Variants in TFEB observed in about 807,000 individuals in gnomAD.
TFEB encodes the protein T-cell transcription factor EB.
TFEB carries 12 observed loss-of-function variants against 48.0 expected under a neutral mutation model. The observed-to-expected ratio is 0.25, with a 90% CI of 0.16 to 0.40. TFEB has a LOEUF of 0.40. Among genes scored for constraint, TFEB ranks in the 10% least tolerant of loss-of-function variants. The pLI is 1.00. For synonymous variants in TFEB, 244 were observed against 261.4 expected (o/e 0.93, Z 0.64); for missense variants, 509 against 640.3 (o/e 0.79, Z 2.21).
intron 1 of TFEB, among the ~76,000 whole-genome samples, chr6:41,726,297 A>C (rs1178455725): frequency 6.6e-6 from 1 of 152,242 alleles, no homozygotes; most frequent in Non-Finnish European, 1.5e-5. Flanking sequence ...ATGCAGACAT[A>C]GGTGGTTACA....
At chr6:41,687,232 G>A (rs1769058180) in intron 6 of TFEB, 63 bp from the exon 7 acceptor site, 3 of 1,536,566 alleles carry the variant, frequency 2.0e-6, no homozygotes, top group Admixed American at 1.7e-5. Flanking sequence ...CCCATGGGGA[G>A]AAGTACCCAG....
In TFEB at chr6:41,723,439, A is replaced by C; in HGVS notation, c.-23+11911T>G. 8.1e-7 allele frequency: 1 copy of C among 1,230,084 alleles called. No individual in the cohort carries two copies. Among genetic ancestry groups the C allele is most frequent in the Non-Finnish European group, 1.1e-6 (1 of 935,604 alleles). 76.2% of individuals were successfully genotyped at this position (1,230,084 alleles called of 1,614,324 possible). A position where few individuals can be genotyped will look rare whatever the true frequency, so the allele number is the denominator to read the frequency against. ...CACACACATGCACACACTCACACAC[A>C]TGCACGCGTGTGCTCTCATACCTTC... On this transcript the variant is annotated intron_variant, in intron 1 of 8. Transcript: ENST00000373033. This position sits in a 1 kb window ranked among gnomAD's most constrained non-coding sequence, Gnocchi z 6.0.
Position 41,733,605 on chromosome 6 carries a change from G to T in TFEB, c.-23+1745C>A, listed in dbSNP as rs978328335. On this transcript the variant is annotated intron_variant, in intron 1 of 8. Transcript: ENST00000373033. Reference sequence around the variant, plus strand: ...GGCCAGGAGGCAGACGGAGAGAAGGGAGCCAGGCGAGTTGCTCGTGGTCCT... The same window carrying T: ...GGCCAGGAGGCAGACGGAGAGAAGGTAGCCAGGCGAGTTGCTCGTGGTCCT... 7.1e-6 allele frequency: 7 copies of T among 985,336 alleles called. No individual in the cohort carries two copies. The African/African-American group carries it at 1.2e-4, about 17-fold the overall frequency. 61.0% of individuals were successfully genotyped at this position (985,336 alleles called of 1,614,324 possible). A position where few individuals can be genotyped will look rare whatever the true frequency, so the allele number is the denominator to read the frequency against.
chr6:41,718,186 T>TG (rs1770818442), intron 1 of TFEB, among the ~76,000 whole-genome samples: 1 of 105,888 alleles, frequency 9.4e-6, no homozygotes, highest in South Asian at 2.8e-4. Flanking sequence ...TTTGGGGGTG[T>TG]TTTTTTTTGT....
chr6:41,735,596 G>A lies in TFEB; in HGVS notation c.-269C>T. ...CCCCGCGCCCGGCGCCCGGGCTCCG[G>A]CTGTCACTCCACGCACACTTCCCTC... is the stretch of plus-strand genomic sequence containing the variant. On this transcript the variant is annotated 5_prime_UTR_variant, in exon 1 of 9. Transcript: ENST00000373033. 1 of 977,768 alleles carries A rather than the reference G, an allele frequency of 1.0e-6. No homozygotes were observed. 60.6% of individuals were successfully genotyped at this position (977,768 alleles called of 1,614,324 possible). A position where few individuals can be genotyped will look rare whatever the true frequency, so the allele number is the denominator to read the frequency against.
chr6:41,710,155 T>G (rs1770415412), intron 1 of TFEB, among the ~76,000 whole-genome samples: 1 of 152,174 alleles, frequency 6.6e-6, no homozygotes, highest in Non-Finnish European at 1.5e-5. Flanking sequence ...GGTTGACAAA[T>G]ATAAAGTAAG....
chr6:41,694,283 C>G (rs1769466266), intron 1 of TFEB, among the ~76,000 whole-genome samples: 1 of 152,218 alleles, frequency 6.6e-6, no homozygotes, highest in South Asian at 2.1e-4. Context: ...CTGCCAGAAT[C>G]TGGGTGAGCC....
rs1769305210 is a variant in TFEB, at chr6:41,691,337, AGAG to A, written c.-22-105_-22-103del. On this transcript the variant is annotated intron_variant, in intron 1 of 8. Coordinates refer to ENST00000373033, the MANE Select transcript of TFEB (RefSeq NM_001271944.2). The surrounding 1 kb of genome is among the most constrained non-coding windows in gnomAD (Gnocchi z 5.2). ...GAATGACTGGGACCGCATCCATTTT[AGAG>A]GAGAAGACACCGAGCCCTGAGAGGG... The A allele has an allele frequency of 3.3e-6, 4 of 1,197,464 alleles. No homozygotes were observed. The highest frequency in any genetic ancestry group is 3.8e-4 in the Middle Eastern group (2 of 5,328). 74.2% of individuals were successfully genotyped at this position (1,197,464 alleles called of 1,614,324 possible). A position where few individuals can be genotyped will look rare whatever the true frequency, so the allele number is the denominator to read the frequency against.
At chr6:41,733,498 C>T (rs1167016178) in intron 1 of TFEB, 3 of 458,468 alleles carry the variant, frequency 6.5e-6, no homozygotes, top group African/African-American at 4.2e-5. Flanking sequence ...TGGCTTCCCT[C>T]GGGGAGAAGC....
chr6:41,685,218 T>C (rs1768937157), intron 8 of TFEB, 140 bp from the exon 9 acceptor site: 4 of 1,151,230 alleles, frequency 3.5e-6, no homozygotes, highest in Non-Finnish European at 4.6e-6. Context: ...GAAGAAAGCA[T>C]AGGGTAGCTC....
At chr6:41,698,372 G>C (rs144741751) in intron 1 of TFEB, among the ~76,000 whole-genome samples, 82 of 152,274 alleles carry the variant, frequency 5.4e-4, no homozygotes, top group African/African-American at 1.9e-3. Context: ...GCCTCCCTGC[G>C]ATCAAAGAGT....
chr6:41,710,647 A>G (rs1286558764), intron 1 of TFEB, among the ~76,000 whole-genome samples: 1 of 152,126 alleles, frequency 6.6e-6, no homozygotes, highest in Non-Finnish European at 1.5e-5. Context: ...GCTCTCCACT[A>G]CCTACCAGAT....
At chr6:41,686,338 T>A (rs1769001203) in intron 7 of TFEB, 101 bp from the exon 8 acceptor site, 2 of 1,490,724 alleles carry the variant, frequency 1.3e-6, no homozygotes, top group Non-Finnish European at 1.8e-6. Context: ...TGTCCCAGTC[T>A]TACCCAGCAA....
intron 6 of TFEB, 141 bp from the exon 7 acceptor site, chr6:41,687,310 C>G (rs556452177): frequency 1.3e-6 from 1 of 745,678 alleles, no homozygotes; most frequent in Non-Finnish European, 2.3e-6. Context: ...AAGAGGTGAC[C>G]AACAGATTGG....
chr6:41,694,514 G>A (rs1251361598), intron 1 of TFEB, among the ~76,000 whole-genome samples: 1 of 152,048 alleles, frequency 6.6e-6, no homozygotes, highest in Non-Finnish European at 1.5e-5. Flanking sequence ...TGTGGTGTAG[G>A]TGGGATGGGT....
At position 41,734,377 on chromosome 6, in the gene TFEB, A is replaced by G; in HGVS notation, c.-23+973T>C. The G allele has an allele frequency of 1.0e-6, 1 of 984,712 alleles. No homozygotes were observed. The highest frequency in any genetic ancestry group is 1.2e-6 in the Non-Finnish European group (1 of 829,670). 61.0% of individuals were successfully genotyped at this position (984,712 alleles called of 1,614,324 possible). A position where few individuals can be genotyped will look rare whatever the true frequency, so the allele number is the denominator to read the frequency against. On this transcript the variant is annotated intron_variant, in intron 1 of 8. Coordinates refer to ENST00000373033, the MANE Select transcript of TFEB (RefSeq NM_001271944.2). This position sits in a 1 kb window ranked among gnomAD's most constrained non-coding sequence, Gnocchi z 4.0. ...CGAACCTGCTCGCGCAGCCCGGAGC[A>G]GCTCGGGGCAGCCGTGCGTGAAGCC...
intron 1 of TFEB, among the ~76,000 whole-genome samples, chr6:41,710,440 C>G (rs537558476): frequency 2.0e-5 from 3 of 152,206 alleles, no homozygotes; most frequent in Admixed American, 6.5e-5. Flanking sequence ...GGAGAAGAAG[C>G]CAAGAACAGA....
At chr6:41,700,594 C>T (rs542973421) in intron 1 of TFEB, among the ~76,000 whole-genome samples, 2 of 152,196 alleles carry the variant, frequency 1.3e-5, no homozygotes, top group African/African-American at 2.4e-5. Flanking sequence ...CGTTCTGCAC[C>T]GCCTCTCCCA....
chr6:41,729,917 G>A (rs1771381489), intron 1 of TFEB, among the ~76,000 whole-genome samples: 1 of 152,248 alleles, frequency 6.6e-6, no homozygotes, highest in South Asian at 2.1e-4. Context: ...CCCGAAGGCA[G>A]TGGTTTTCCA....
Sources: allele counts gnomAD v4.1 joint callset (sites outside exome capture counted in the v4.1 genomes callset), GRCh38; gene constraint gnomAD v4.1.1; non-coding constraint Gnocchi (gnomAD v3.1); transcripts MANE v1.5; gene names NCBI Gene and HGNC (gene_info 2026-07-23, HGNC 2026-07-21).